Variants in GRID2 observed in about 807,000 individuals in gnomAD.
GRID2 encodes the protein glutamate ionotropic receptor delta type subunit 2, also known as glutamate receptor ionotropic, delta-2.
In GRID2, 33 loss-of-function variants were observed where a neutral mutation model predicts 114.8. The observed-to-expected ratio is 0.29, with a 90% CI of 0.22 to 0.38. GRID2 has a LOEUF of 0.38. Ranked by LOEUF, GRID2 falls within the 10% of genes least tolerant of loss-of-function variation. GRID2 has a pLI of 1.00. For synonymous variants in GRID2, 505 were observed against 449.9 expected, an observed-to-expected ratio of 1.12 and a Z score of -1.55; for missense variants, 1,184 against 1,257.7, an observed-to-expected ratio of 0.94 and a Z score of 0.89.
intron 11 of GRID2, among the ~76,000 whole-genome samples, chr4:93,474,577 T>G (rs1163150280): frequency 2.0e-5 from 3 of 152,176 alleles, no homozygotes; most frequent in Non-Finnish European, 4.4e-5. Context: ...ACCTATTTAT[T>G]CTAGTCATTG....
intron 9 of GRID2, among the ~76,000 whole-genome samples, chr4:93,398,261 G>T (rs1299569926): frequency 6.6e-6 from 1 of 150,564 alleles, no homozygotes; most frequent in Non-Finnish European, 1.5e-5. Context: ...GAACCTAGAA[G>T]AAATTGAAGA....
chr4:93,626,104 G>A (rs999824138), intron 13 of GRID2, among the ~76,000 whole-genome samples, 165 bp from the exon 14 acceptor site: 1 of 152,040 alleles, frequency 6.6e-6, no homozygotes, highest in Non-Finnish European at 1.5e-5. Flanking sequence ...GGTATCCACA[G>A]GGGTTCTGAA....
intron 2 of GRID2, among the ~76,000 whole-genome samples, chr4:92,891,616 A>G (rs1462658225): frequency 2.0e-5 from 3 of 152,170 alleles, no homozygotes; most frequent in Admixed American, 6.5e-5. Context: ...CCTATTTTCT[A>G]TTTTAATGAG....
chr4:92,520,996 G>C (rs555158639), intron 1 of GRID2, among the ~76,000 whole-genome samples: 5 of 151,872 alleles, frequency 3.3e-5, no homozygotes, highest in African/African-American at 1.2e-4. Context: ...CAGTTATTGA[G>C]TTATGAGCCA....
chr4:93,740,310 T>C (rs1272448595), intron 14 of GRID2, among the ~76,000 whole-genome samples: 1 of 152,174 alleles, frequency 6.6e-6, no homozygotes, highest in Non-Finnish European at 1.5e-5. Flanking sequence ...GATGCATTTC[T>C]CAGAACATAT....
chr4:93,771,919 G>A (rs952716119), intron 15 of GRID2, among the ~76,000 whole-genome samples, 157 bp from the exon 16 acceptor site: 1 of 151,856 alleles, frequency 6.6e-6, no homozygotes, highest in African/African-American at 2.4e-5. Flanking sequence ...CCAGAACTTA[G>A]CACAGTGCCT....
At chr4:92,724,972 G>A (rs1015861535) in intron 2 of GRID2, among the ~76,000 whole-genome samples, 3 of 152,058 alleles carry the variant, frequency 2.0e-5, no homozygotes, top group African/African-American at 7.2e-5. Context: ...GTAGCCAAGA[G>A]TGAACCACAA....
chr4:93,753,828 T>C (rs973255527), intron 14 of GRID2, among the ~76,000 whole-genome samples: 11 of 152,190 alleles, frequency 7.2e-5, no homozygotes, highest in Admixed American at 4.6e-4. Context: ...TGAGAGCCCT[T>C]TGGGCCAGCA....
intron 14 of GRID2, among the ~76,000 whole-genome samples, chr4:93,683,625 G>A (rs1407271411): frequency 6.6e-6 from 1 of 152,026 alleles, no homozygotes; most frequent in Non-Finnish European, 1.5e-5. Flanking sequence ...CCTAACTACT[G>A]AAACTTGGCA....
At chr4:92,641,123 G>C (rs1277082676) in intron 2 of GRID2, among the ~76,000 whole-genome samples, 1 of 151,652 alleles carries the variant, frequency 6.6e-6, no homozygotes, top group African/African-American at 2.4e-5. Flanking sequence ...AGTTTCTTTG[G>C]TGGATCAAGA....
intron 8 of GRID2, among the ~76,000 whole-genome samples, chr4:93,281,328 T>A (rs1752628179): frequency 6.6e-6 from 1 of 151,586 alleles, no homozygotes; most frequent in Admixed American, 6.6e-5. Context: ...AAAGTGTCCT[T>A]GAGTAACGAA....
intron 2 of GRID2, among the ~76,000 whole-genome samples, chr4:93,012,081 GAA>G (rs34374242): frequency 9.6e-4 from 121 of 125,430 alleles, no homozygotes; most frequent in African/African-American, 3.4e-3. Flanking sequence ...TTATCAGGCT[GAA>G]AAAAAAAAAA....
chr4:93,019,318 C>T (rs1723057328), intron 2 of GRID2, among the ~76,000 whole-genome samples: 1 of 152,072 alleles, frequency 6.6e-6, no homozygotes, highest in South Asian at 2.1e-4. Context: ...ATCTTGGAGC[C>T]AAATGAAGAA....
chr4:93,588,630 T>A (rs1181393935), intron 13 of GRID2, among the ~76,000 whole-genome samples: 1 of 152,152 alleles, frequency 6.6e-6, no homozygotes, highest in Non-Finnish European at 1.5e-5. Context: ...GCTTCTCCAC[T>A]GAAGTCAATG....
At chr4:93,547,569 C>T (rs955743401) in intron 13 of GRID2, among the ~76,000 whole-genome samples, 9 of 152,106 alleles carry the variant, frequency 5.9e-5, no homozygotes, top group African/African-American at 1.4e-4. Context: ...GTTTCTCTCT[C>T]GGGCCACATG....
At chr4:92,960,742 G>C (rs1303074414) in intron 2 of GRID2, among the ~76,000 whole-genome samples, 2 of 151,632 alleles carry the variant, frequency 1.3e-5, no homozygotes, top group Non-Finnish European at 2.9e-5. Flanking sequence ...AATAAGTATT[G>C]ATATAGTTGG....
At chr4:92,321,430 G>A (rs536966094) in intron 1 of GRID2, among the ~76,000 whole-genome samples, 1 of 152,268 alleles carries the variant, frequency 6.6e-6, no homozygotes, top group African/African-American at 2.4e-5. Context: ...TAAGCCAAGT[G>A]TTCTTTCTGT....
intron 2 of GRID2, among the ~76,000 whole-genome samples, chr4:92,774,342 A>G (rs1274013791): frequency 1.3e-5 from 2 of 152,146 alleles, no homozygotes; most frequent in Non-Finnish European, 2.9e-5. Flanking sequence ...TCTAAATTAT[A>G]TGAAACCTTG....
chr4:93,777,319 C>T (rs759544023), downstream of GRID2, among the ~76,000 whole-genome samples: 38 of 152,168 alleles, frequency 2.5e-4, no homozygotes, highest in Non-Finnish European at 1.2e-4. Context: ...TATTCATTTG[C>T]TTTGTTTCCA....
Sources: allele counts gnomAD v4.1 joint callset (sites outside exome capture counted in the v4.1 genomes callset), GRCh38; gene constraint gnomAD v4.1.1; transcripts MANE v1.5; gene names NCBI Gene and HGNC (gene_info 2026-07-23, HGNC 2026-07-21).